The following ADGRL2 variants were observed in gnomAD, a reference collection of about 807,000 sequenced individuals.
The protein encoded by ADGRL2 is adhesion G protein-coupled receptor L2.
A neutral mutation model predicts 157.4 loss-of-function variants in ADGRL2; 44 were observed. The observed-to-expected ratio is 0.28, with a 90% CI of 0.22 to 0.36. ADGRL2 has a LOEUF of 0.36. ADGRL2 is among the 10% of genes least tolerant of loss of function. The probability of loss-of-function intolerance (pLI) is 1.00; values close to 1 mark genes in which losing one functional copy is unlikely to be tolerated. For missense variants in ADGRL2, 1,510 were observed against 1,768.9 expected, an observed-to-expected ratio of 0.85 and a Z score of 2.63; for synonymous variants, 585 against 624.7, an observed-to-expected ratio of 0.94 and a Z score of 0.95.
rs187814304 is a variant in ADGRL2 at position 81,566,923 on chromosome 1, T to C, written c.-247-13953T>C. On this transcript the variant is annotated intron_variant, in intron 2 of 24. Transcript: ENST00000370721. ...TAAAGACATTCAATTATATTAAAAA[T>C]CATAAATTTGAAACAAATAAATTTA... Among the ~76,000 whole-genome samples the C allele has an allele frequency of 2.4e-3, 362 of 152,250 alleles. 2 individuals are homozygous for C. Among genetic ancestry groups the C allele is most frequent in the African/African-American group, 8.1e-3 (336 of 41,578 alleles).
At chr1:81,922,846 T>A (rs2148631358) in intron 3 of ADGRL2, among the ~76,000 whole-genome samples, 1 of 152,206 alleles carries the variant, frequency 6.6e-6, no homozygotes, top group South Asian at 2.1e-4. Flanking sequence ...TGAGACCCCA[T>A]CTCTATAATA....
chr1:81,593,279 T>C (rs1207115737), intron 3 of ADGRL2, among the ~76,000 whole-genome samples: 1 of 152,148 alleles, frequency 6.6e-6, no homozygotes, highest in Non-Finnish European at 1.5e-5. Flanking sequence ...GCGCTCACTA[T>C]TAAATAGTGT....
At position 81,922,335 on chromosome 1, in the gene ADGRL2, T is replaced by A. The variant is rs376458708; in HGVS notation, c.288-14393T>A. On this transcript the variant is annotated intron_variant, in intron 3 of 23. Coordinates refer to ENST00000686636, the MANE Select transcript of ADGRL2 (RefSeq NM_001366006.2). Reference sequence around the variant, plus strand: ...TTCCTTTCGGGCATTGTGAGTGAATTCCCTCCTTTCACTTAAGCTAAGGAG... The same window carrying A: ...TTCCTTTCGGGCATTGTGAGTGAATACCCTCCTTTCACTTAAGCTAAGGAG... 4.6e-5 allele frequency among the ~76,000 whole-genome samples: 7 copies of A among 152,250 alleles called. No individual in the cohort carries two copies. The East Asian group carries it at 5.8e-4, about 13-fold the overall frequency.
chr1:81,357,702 G>A (rs920227405), intron 1 of ADGRL2, among the ~76,000 whole-genome samples: 4 of 152,068 alleles, frequency 2.6e-5, no homozygotes, highest in African/African-American at 4.8e-5. Context: ...CTTGGCTGGG[G>A]CAGGCAGGCT....
chr1:81,333,849 G>A (rs991786420), intron 1 of ADGRL2, among the ~76,000 whole-genome samples: 3 of 152,190 alleles, frequency 2.0e-5, no homozygotes, highest in African/African-American at 4.8e-5. Flanking sequence ...ACTGTAATGA[G>A]ATTGCTATGA....
Position 81,464,549 on chromosome 1 carries a change from C to A in ADGRL2, c.-248+19460C>A, listed in dbSNP as rs192816548. Among the ~76,000 whole-genome samples the A allele has an allele frequency of 1.4e-4, 21 of 152,230 alleles. No individual in the cohort carries two copies. The East Asian group carries it at 4.1e-3, about 29-fold the overall frequency. ...CAAGTCTAATTTGTCAGCCTGAATT[C>A]TTTCTCTGTTCTTCCTTTGTCTAGG... On this transcript the variant is annotated intron_variant, in intron 2 of 24. Transcript: ENST00000370721.
chr1:81,336,698 C>G (rs1661664020), intron 1 of ADGRL2, among the ~76,000 whole-genome samples: 1 of 152,134 alleles, frequency 6.6e-6, no homozygotes, highest in South Asian at 2.1e-4. Flanking sequence ...AGTTCATAAA[C>G]TTTTTCATGT....
At chr1:81,862,766 G>C (rs559388544) in intron 2 of ADGRL2, among the ~76,000 whole-genome samples, 1 of 152,226 alleles carries the variant, frequency 6.6e-6, no homozygotes, top group Non-Finnish European at 1.5e-5. Context: ...CTCTACCAGT[G>C]TCTCCCATGC....
chr1:81,710,626 T>TAAA (rs373944276), intron 1 of ADGRL2, among the ~76,000 whole-genome samples: 3 of 132,474 alleles, frequency 2.3e-5, no homozygotes, highest in Non-Finnish European at 4.8e-5. Context: ...CTCAAAAAAT[T>TAAA]AAAAAAAAAA....
chr1:81,719,336 T>C (rs1226488836), intron 1 of ADGRL2, among the ~76,000 whole-genome samples: 1 of 152,236 alleles, frequency 6.6e-6, no homozygotes, highest in Non-Finnish European at 1.5e-5. Context: ...GTAAATTTGC[T>C]ATGAATTAAA....
intron 2 of ADGRL2, among the ~76,000 whole-genome samples, chr1:81,775,322 A>G (rs1056117572): frequency 7.2e-5 from 11 of 152,180 alleles, no homozygotes; most frequent in African/African-American, 2.7e-4. Context: ...ATGATCCTAG[A>G]AAAGGGTAAC....
chr1:81,898,629 A>AT (rs556935493), intron 2 of ADGRL2, among the ~76,000 whole-genome samples: 162 of 152,306 alleles, frequency 1.1e-3, no homozygotes, highest in African/African-American at 3.6e-3. Context: ...AAAAAGCCTT[A>AT]TTACGCATCC....
intron 1 of ADGRL2, among the ~76,000 whole-genome samples, chr1:81,812,001 C>G (rs1235837038): frequency 6.6e-6 from 1 of 151,522 alleles, no homozygotes; most frequent in Non-Finnish European, 1.5e-5. Context: ...TGTATCCTGT[C>G]TGCTCAAGTT....
At chr1:81,851,561 TA>T (rs1245478141) in intron 2 of ADGRL2, among the ~76,000 whole-genome samples, 1 of 151,924 alleles carries the variant, frequency 6.6e-6, no homozygotes, top group Non-Finnish European at 1.5e-5. Context: ...ATTATAATGA[TA>T]TTTTATATAG....
At chr1:81,336,822 C>T (rs948648235) in intron 1 of ADGRL2, among the ~76,000 whole-genome samples, 2 of 152,132 alleles carry the variant, frequency 1.3e-5, no homozygotes, top group African/African-American at 4.8e-5. Flanking sequence ...CTTTACCTCC[C>T]CGTTTTCCCA....
intron 1 of ADGRL2, among the ~76,000 whole-genome samples, chr1:81,411,753 G>A (rs1225478988): frequency 1.3e-5 from 2 of 151,862 alleles, no homozygotes; most frequent in Non-Finnish European, 2.9e-5. Context: ...AGTGGCGGGC[G>A]CCTGTAGTCC....
At chr1:81,757,181 A>C (rs2085721545) in intron 1 of ADGRL2, among the ~76,000 whole-genome samples, 2 of 152,184 alleles carry the variant, frequency 1.3e-5, no homozygotes, top group African/African-American at 4.8e-5. Flanking sequence ...AAACCTCAGC[A>C]GGAGGAATTT....
intron 3 of ADGRL2, among the ~76,000 whole-genome samples, chr1:81,907,692 A>G (rs2094613177): frequency 6.6e-6 from 1 of 152,088 alleles, no homozygotes; most frequent in Non-Finnish European, 1.5e-5. Context: ...GATTTCTCAT[A>G]TGATCCATAT....
At chr1:81,860,622 G>A (rs1169018233) in intron 2 of ADGRL2, among the ~76,000 whole-genome samples, 1 of 152,138 alleles carries the variant, frequency 6.6e-6, no homozygotes, top group African/African-American at 2.4e-5. Context: ...AGGTACTTTG[G>A]GGAAGCGTAA....
Sources: allele counts gnomAD v4.1 joint callset (sites outside exome capture counted in the v4.1 genomes callset), GRCh38; gene constraint gnomAD v4.1.1; transcripts MANE v1.5; gene names NCBI Gene and HGNC (gene_info 2026-07-23, HGNC 2026-07-21).